Variants in ZEB1 observed in about 807,000 individuals in gnomAD.
ZEB1 encodes zinc finger E-box-binding homeobox 1.
Under a neutral mutation model 84.9 loss-of-function variants are expected in ZEB1, and 21 were observed. That is an observed-to-expected ratio of 0.25 (90% CI 0.18 to 0.36). The LOEUF (loss-of-function observed/expected upper bound fraction) is 0.36. Among genes scored for constraint, ZEB1 ranks in the 10% least tolerant of loss-of-function variants. The probability of loss-of-function intolerance (pLI) is 1.00; values close to 1 mark genes in which losing one functional copy is unlikely to be tolerated. For missense variants in ZEB1, 1,104 were observed against 1,330.2 expected, an observed-to-expected ratio of 0.83 and a Z score of 2.65; for synonymous variants, 420 against 471.1, an observed-to-expected ratio of 0.89 and a Z score of 1.41.
intron 1 of ZEB1, among the ~76,000 whole-genome samples, chr10:31,411,638 CAAAAAAAAA>C (rs11440732): frequency 1.0e-5 from 1 of 98,096 alleles, no homozygotes; most frequent in African/African-American, 4.2e-5. Context: ...GACTCCGTCT[CAAAAAAAAA>C]AAAAAAAAAG....
chr10:31,341,115 G>T (rs546310525), intron 1 of ZEB1, among the ~76,000 whole-genome samples: 2 of 152,132 alleles, frequency 1.3e-5, no homozygotes, highest in Non-Finnish European at 2.9e-5. Flanking sequence ...AGGGTTTTAA[G>T]TAGGGGCCCA....
At chr10:31,367,457 C>T (rs1228348492) in intron 1 of ZEB1, among the ~76,000 whole-genome samples, 3 of 152,200 alleles carry the variant, frequency 2.0e-5, no homozygotes, top group South Asian at 4.1e-4. Context: ...GCTCTGCTTT[C>T]GAAGGCTTAT....
At chr10:31,476,084 A>G (rs1327550453) in intron 2 of ZEB1, among the ~76,000 whole-genome samples, 1 of 152,096 alleles carries the variant, frequency 6.6e-6, no homozygotes, top group Non-Finnish European at 1.5e-5. Flanking sequence ...AAGTAAAGGG[A>G]CTAGCAGAAG....
At position 31,399,283 on chromosome 10, in the gene ZEB1, C is replaced by T. The variant is rs544630092; in HGVS notation, c.59-61754C>T. ...GTGCTGGGATTACAGATGTGAGCCT[C>T]CGTGCCTGGCCCCTGTAGTCTTCTT... On this transcript the variant is annotated intron_variant, in intron 1 of 8. Transcript: ENST00000424869. 7.9e-5 allele frequency among the ~76,000 whole-genome samples: 12 copies of T among 152,208 alleles called. No individual in the cohort carries two copies. In the South Asian group the frequency reaches 2.5e-3, roughly 32 times the overall value.
chr10:31,508,309 C>T (rs1438999348), intron 4 of ZEB1, among the ~76,000 whole-genome samples: 2 of 152,112 alleles, frequency 1.3e-5, no homozygotes, highest in African/African-American at 2.4e-5. Context: ...CAGTGGTAAG[C>T]TGGGCAGGTG....
At chr10:31,511,167 T>C (rs1049975414) in intron 5 of ZEB1, among the ~76,000 whole-genome samples, 1 of 152,164 alleles carries the variant, frequency 6.6e-6, no homozygotes, top group Non-Finnish European at 1.5e-5. Context: ...ATTCTTCAAG[T>C]TTAGAAGATG....
intron 1 of ZEB1, among the ~76,000 whole-genome samples, chr10:31,423,012 A>G (rs1420254028): frequency 6.6e-6 from 1 of 152,008 alleles, no homozygotes; most frequent in Non-Finnish European, 1.5e-5. Context: ...CATTCTTTTT[A>G]ATGGCTGCGT....
intron 1 of ZEB1, among the ~76,000 whole-genome samples, chr10:31,403,358 T>C (rs1216977335): frequency 3.3e-5 from 5 of 151,950 alleles, no homozygotes; most frequent in Admixed American, 2.0e-4. Context: ...GTTAAAACTT[T>C]TTCAAATTCT....
At chr10:31,472,065 T>A (rs1197668176) in intron 2 of ZEB1, among the ~76,000 whole-genome samples, 1 of 148,558 alleles carries the variant, frequency 6.7e-6, no homozygotes, top group Non-Finnish European at 1.5e-5. Flanking sequence ...CAAAGCAGTG[T>A]GTAGAGGGAA....
At chr10:31,476,827 T>C (rs1441975390) in intron 2 of ZEB1, among the ~76,000 whole-genome samples, 1 of 152,050 alleles carries the variant, frequency 6.6e-6, no homozygotes, top group Non-Finnish European at 1.5e-5. Flanking sequence ...TGTCAATCAA[T>C]AGATGCAGAA....
At chr10:31,403,145 G>C (rs940429515) in intron 1 of ZEB1, among the ~76,000 whole-genome samples, 3 of 151,920 alleles carry the variant, frequency 2.0e-5, no homozygotes, top group African/African-American at 7.3e-5. Flanking sequence ...TGTAACCTTA[G>C]GTAAACAGAA....
chr10:31,319,164 G>A, upstream of ZEB1: 11 of 1,091,338 alleles, frequency 1.0e-5, no homozygotes, highest in South Asian at 1.3e-4. Flanking sequence ...GGGTGGAGGC[G>A]GAGGGGTGGG....
intron 1 of ZEB1, among the ~76,000 whole-genome samples, chr10:31,419,051 A>G (rs2135990128): frequency 6.6e-6 from 1 of 152,290 alleles, no homozygotes; most frequent in Middle Eastern, 3.4e-3. Flanking sequence ...TCTGAGCAAA[A>G]TAGACACAAT....
chr10:31,400,113 ACCATCTACCATC>A (rs2051658841), intron 1 of ZEB1, among the ~76,000 whole-genome samples: 1 of 152,082 alleles, frequency 6.6e-6, no homozygotes, highest in Admixed American at 6.6e-5. Flanking sequence ...AAGACCTGTT[ACCATCTACCATC>A]CCATATATTT....
Position 31,405,313 on chromosome 10 carries a change from A to G in ZEB1, c.59-55724A>G, listed in dbSNP as rs1343693350. Among the ~76,000 whole-genome samples the G allele has an allele frequency of 6.6e-5, 10 of 152,192 alleles. No homozygotes were observed. The East Asian group carries it at 1.7e-3, about 26-fold the overall frequency. On this transcript the variant is annotated intron_variant, in intron 1 of 8. Transcript: ENST00000424869. ...TTATGGAAGTGTCAAAGGTGGTCAAACTTCCAATAGACTTTACCAAGTCAG... is the reference window on the plus strand; with the variant it reads ...TTATGGAAGTGTCAAAGGTGGTCAAGCTTCCAATAGACTTTACCAAGTCAG...
At chr10:31,443,511 A>T (rs1274873608) in intron 1 of ZEB1, among the ~76,000 whole-genome samples, 7 of 148,204 alleles carry the variant, frequency 4.7e-5, no homozygotes, top group Non-Finnish European at 1.0e-4. Context: ...CGCTGCACCC[A>T]CTAACTCGTC....
At chr10:31,413,784 G>C (rs867640880) in intron 1 of ZEB1, among the ~76,000 whole-genome samples, 1 of 152,108 alleles carries the variant, frequency 6.6e-6, no homozygotes, top group African/African-American at 2.4e-5. Context: ...CTGCAATTTA[G>C]TACAATTTAA....
chr10:31,319,448 T>TCCGCTGCCG (rs1056536290), intron 1 of ZEB1, 156 bp downstream of exon 1: 1 of 704,340 alleles, frequency 1.4e-6, no homozygotes, highest in South Asian at 1.8e-5. Context: ...TCTGCCCCCC[T>TCCGCTGCCG]CCGCTGCCGC....
chr10:31,460,321 C>T (rs1305907097), intron 1 of ZEB1, among the ~76,000 whole-genome samples: 3 of 151,938 alleles, frequency 2.0e-5, no homozygotes, highest in Non-Finnish European at 4.4e-5. Flanking sequence ...TGAAAACTTC[C>T]AAATGTCAGT....
Sources: allele counts gnomAD v4.1 joint callset (sites outside exome capture counted in the v4.1 genomes callset), GRCh38; gene constraint gnomAD v4.1.1; transcripts MANE v1.5; gene names NCBI Gene and HGNC (gene_info 2026-07-23, HGNC 2026-07-21).